Variants in KANSL1 observed in about 807,000 individuals in gnomAD.
The protein encoded by KANSL1 is KAT8 regulatory NSL complex subunit 1.
KANSL1 carries 22 observed loss-of-function variants against 103.6 expected under a neutral mutation model. That is an observed-to-expected ratio of 0.21 (90% CI 0.15 to 0.30). The LOEUF is 0.30. Ranked by LOEUF, KANSL1 falls within the 10% of genes least tolerant of loss-of-function variation. The pLI, the probability that KANSL1 is intolerant of heterozygous loss-of-function variation, is 1.00. For missense variants in KANSL1, 1,337 were observed against 1,399.8 expected, an observed-to-expected ratio of 0.96 and a Z score of 0.72; for synonymous variants, 600 against 527.6, an observed-to-expected ratio of 1.14 and a Z score of -1.88.
At position 46,181,812 on chromosome 17, in the gene KANSL1, G is replaced by C. The variant is rs577077166; in HGVS notation, c.-89-9580C>G. On this transcript the variant is annotated intron_variant, in intron 1 of 14. Coordinates refer to ENST00000432791, the MANE Select transcript of KANSL1 (RefSeq NM_015443.4). ...AAGCACATCAATTGATACGGACCCA[G>C]AACTCCCCACAGATTCCCAACTCCG... 7.5e-4 allele frequency among the ~76,000 whole-genome samples: 114 copies of C among 152,108 alleles called. 1 individual carries two copies. The highest frequency in any genetic ancestry group is 2.4e-3 in the African/African-American group (101 of 41,452).
At chr17:46,207,652 GA>G (rs1356848733) in intron 1 of KANSL1, among the ~76,000 whole-genome samples, 1 of 152,168 alleles carries the variant, frequency 6.6e-6, no homozygotes, top group African/African-American at 2.4e-5. Context: ...TTTCTCCAAA[GA>G]AGATATATGA....
At chr17:46,062,809 G>T (rs2078226408) in intron 6 of KANSL1, among the ~76,000 whole-genome samples, 1 of 152,034 alleles carries the variant, frequency 6.6e-6, no homozygotes, top group Non-Finnish European at 1.5e-5. Context: ...CAGCACTTTG[G>T]GAGGCCGAGG....
intron 2 of KANSL1, among the ~76,000 whole-genome samples, chr17:46,160,668 T>C (rs1200384885): frequency 6.6e-6 from 1 of 152,194 alleles, no homozygotes. Context: ...TAAGGATGTA[T>C]CTGGTTAAGA....
At chr17:46,055,828 GAC>G in intron 6 of KANSL1, among the ~76,000 whole-genome samples, 1 of 152,118 alleles carries the variant, frequency 6.6e-6, no homozygotes, top group East Asian at 1.9e-4. Flanking sequence ...AAGTATATAT[GAC>G]AGTTTATTGT....
At chr17:46,179,248 A>G (rs1020946878) in intron 1 of KANSL1, among the ~76,000 whole-genome samples, 1 of 152,232 alleles carries the variant, frequency 6.6e-6, no homozygotes, top group African/African-American at 2.4e-5. Context: ...ATACTCTTTC[A>G]AAAGCAAAAC....
chr17:46,093,073 T>C (rs2079476338), intron 3 of KANSL1: 1 of 152,196 alleles, frequency 6.6e-6, no homozygotes, highest in African/African-American at 2.4e-5. Flanking sequence ...ATTATACTAA[T>C]CTCAGTTGTT....
chr17:46,187,365 A>G (rs2147882497), intron 1 of KANSL1, among the ~76,000 whole-genome samples: 1 of 152,366 alleles, frequency 6.6e-6, no homozygotes, highest in Non-Finnish European at 1.5e-5. Flanking sequence ...CACTCAAGCA[A>G]CTTTTTCCAA....
intron 2 of KANSL1, among the ~76,000 whole-genome samples, chr17:46,112,957 G>A (rs2042886330): frequency 6.6e-6 from 1 of 152,130 alleles, no homozygotes; most frequent in South Asian, 2.1e-4. Flanking sequence ...CCGACCTCAG[G>A]TGACCCGCCC....
chr17:46,052,963 C>CAAAAAAAAAAAAAAAAA lies in KANSL1; in HGVS notation c.1849-2260_1849-2259insTTTTTTTTTTTTTTTTT, dbSNP rs2077769956. Among the ~76,000 whole-genome samples, 2 of 43,140 alleles carry CAAAAAAAAAAAAAAAAA rather than the reference C, an allele frequency of 4.6e-5. 1 individual carries two copies. The highest frequency in any genetic ancestry group is 2.0e-4 in the African/African-American group (2 of 9,806). The allele number at this position is 43,140 out of a possible 152,430, so 28.3% of individuals were successfully genotyped here. On this transcript the variant is annotated intron_variant, in intron 6 of 14. Coordinates refer to ENST00000432791, the MANE Select transcript of KANSL1 (RefSeq NM_015443.4). The stretch of plus-strand genomic sequence containing the variant: ...TGGGAAAAAGAGTAAGATCCTGTCT[C>CAAAAAAAAAAAAAAAAA]CAAAAAAAAAAAAAAAAAAAAAAAA...
chr17:46,205,380 C>CCA (rs1555594251), intron 1 of KANSL1, among the ~76,000 whole-genome samples: 24 of 147,058 alleles, frequency 1.6e-4, no homozygotes, highest in Non-Finnish European at 2.8e-4. Flanking sequence ...ATCCCCCCGC[C>CCA]AAAAAAAAAA....
intron 2 of KANSL1, among the ~76,000 whole-genome samples, chr17:46,153,550 A>G (rs1422617345): frequency 3.3e-5 from 5 of 152,258 alleles, no homozygotes; most frequent in Non-Finnish European, 5.9e-5. Context: ...TTTCGTGTAC[A>G]TGACTTTTAT....
chr17:46,046,009 A>C (rs1377115985), intron 7 of KANSL1: 1 of 152,152 alleles, frequency 6.6e-6, no homozygotes, highest in Non-Finnish European at 1.5e-5. Flanking sequence ...AAACATTCCT[A>C]AGTCTTCCTA....
chr17:46,186,481 G>A (rs933411207), intron 1 of KANSL1, among the ~76,000 whole-genome samples: 1 of 152,044 alleles, frequency 6.6e-6, no homozygotes, highest in Admixed American at 6.6e-5. Flanking sequence ...TATACCTTTA[G>A]AGAAAAGTCA....
At chr17:46,179,573 C>T (rs542252710) in intron 1 of KANSL1, among the ~76,000 whole-genome samples, 6 of 152,190 alleles carry the variant, frequency 3.9e-5, no homozygotes, top group Admixed American at 3.3e-4. Context: ...ACACAAAGGA[C>T]GGAAAGAAAC....
chr17:46,122,273 C>G (rs2043315093), intron 2 of KANSL1, among the ~76,000 whole-genome samples: 1 of 152,234 alleles, frequency 6.6e-6, no homozygotes, highest in African/African-American at 2.4e-5. Context: ...TTTGAGGAGA[C>G]TAGCCTGCTG....
chr17:46,049,184 G>A (rs1396652894), intron 7 of KANSL1, among the ~76,000 whole-genome samples: 1 of 150,630 alleles, frequency 6.6e-6, no homozygotes, highest in African/African-American at 2.4e-5. Flanking sequence ...TTCTCCTTCA[G>A]GTGCTGAGAA....
chr17:46,070,427 G>A (rs61116853), intron 4 of KANSL1, among the ~76,000 whole-genome samples: 4,476 of 152,054 alleles, frequency 0.029, 185 homozygotes, highest in African/African-American at 0.09. Flanking sequence ...TACATTTTAG[G>A]TAATAGTTTT....
chr17:46,106,658 G>A (rs760983102), intron 2 of KANSL1, among the ~76,000 whole-genome samples: 6 of 152,170 alleles, frequency 3.9e-5, no homozygotes, highest in Non-Finnish European at 8.8e-5. Context: ...CTCCCAAAGT[G>A]CTGGGAATAC....
intron 1 of KANSL1, among the ~76,000 whole-genome samples, chr17:46,185,012 T>C (rs1025926413): frequency 7.2e-5 from 11 of 152,108 alleles, no homozygotes; most frequent in African/African-American, 2.7e-4. Context: ...GCTAATTTTT[T>C]GTCTTTTTTA....
Sources: allele counts gnomAD v4.1 joint callset (sites outside exome capture counted in the v4.1 genomes callset), GRCh38; gene constraint gnomAD v4.1.1; transcripts MANE v1.5; gene names NCBI Gene and HGNC (gene_info 2026-07-23, HGNC 2026-07-21).